The following SLC35F1 variants were observed in gnomAD, a reference collection of about 807,000 sequenced individuals.
SLC35F1 encodes solute carrier family 35 member F1, also known as chromosome 6 open reading frame 169.
In SLC35F1, 14 loss-of-function variants were observed where a neutral mutation model predicts 48.7. The ratio of observed to expected loss-of-function variants is 0.29; its 90% confidence interval spans 0.19 to 0.45. The LOEUF is 0.45. Among genes scored for constraint, SLC35F1 ranks in the 20% least tolerant of loss-of-function variants. SLC35F1 has a pLI of 1.00. For synonymous variants in SLC35F1, 190 were observed against 202.2 expected, an observed-to-expected ratio of 0.94 and a Z score of 0.51; for missense variants, 404 against 500.0, an observed-to-expected ratio of 0.81 and a Z score of 1.83.
Position 118,018,281 on chromosome 6 carries a change from G to A in SLC35F1, c.173+110382G>A, listed in dbSNP as rs186899417. The stretch of plus-strand genomic sequence containing the variant: ...AGCTACTCGGGAGGTTGAGGCAGGA[G>A]AATTGCTTGAACCCGGGAGGCGGAG... On this transcript the variant is annotated intron_variant, in intron 1 of 7. Coordinates refer to ENST00000360388, the MANE Select transcript of SLC35F1 (RefSeq NM_001029858.4). Among the ~76,000 whole-genome samples the A allele has an allele frequency of 2.6e-5, 4 of 152,148 alleles. No homozygotes were observed. The East Asian group carries it at 7.7e-4, about 29-fold the overall frequency.
At chr6:118,149,506 A>G (rs1774024405) in intron 1 of SLC35F1, among the ~76,000 whole-genome samples, 1 of 152,230 alleles carries the variant, frequency 6.6e-6, no homozygotes, top group Admixed American at 6.5e-5. Flanking sequence ...GTTTATTTCT[A>G]TTTTTATTTA....
At chr6:118,101,533 A>T (rs977251835) in intron 1 of SLC35F1, among the ~76,000 whole-genome samples, 7 of 152,250 alleles carry the variant, frequency 4.6e-5, no homozygotes, top group Non-Finnish European at 8.8e-5. Context: ...GTACTTGCAA[A>T]TAATAGGGAT....
At chr6:118,083,150 A>G (rs1772937196) in intron 1 of SLC35F1, among the ~76,000 whole-genome samples, 1 of 152,178 alleles carries the variant, frequency 6.6e-6, no homozygotes, top group Non-Finnish European at 1.5e-5. Flanking sequence ...CTTCTGGATC[A>G]AGGAGAATAA....
chr6:118,078,397 A>C (rs566068101), intron 1 of SLC35F1, among the ~76,000 whole-genome samples: 15 of 152,308 alleles, frequency 9.8e-5, no homozygotes, highest in Non-Finnish European at 2.1e-4. Flanking sequence ...AAAAATCTTT[A>C]AAGGAATACA....
intron 3 of SLC35F1, among the ~76,000 whole-genome samples, chr6:118,238,827 G>A (rs1470498730): frequency 6.6e-6 from 1 of 152,186 alleles, no homozygotes; most frequent in Non-Finnish European, 1.5e-5. Flanking sequence ...ATCAATAGAA[G>A]AGGAGATTTC....
chr6:118,277,529 C>T lies in SLC35F1; in HGVS notation c.830C>T (p.Pro277Leu). The T allele has an allele frequency of 6.2e-7, 1 of 1,613,934 alleles. No individual in the cohort carries two copies. The highest frequency in any genetic ancestry group is 1.1e-5 in the South Asian group (1 of 91,078). ...GAGCATAAGGAACTGTTGAAGGTGC[C>T]CTGGGACTGGCAAATAGGTAAGGAG... is the stretch of plus-strand genomic sequence containing the variant. ...IMEHKELLKV[P>L]WDWQIGLLYV... The change falls in exon 6 of 8, where the codon CCC becomes CTC. Residue 277 changes from proline to leucine, a missense_variant. Pro to Leu is a moderately conservative substitution (Grantham distance 98). Coordinates refer to ENST00000360388, the MANE Select transcript of SLC35F1 (RefSeq NM_001029858.4).
intron 1 of SLC35F1, among the ~76,000 whole-genome samples, chr6:118,070,018 C>T (rs1430723411): frequency 6.6e-6 from 1 of 151,172 alleles, no homozygotes; most frequent in Non-Finnish European, 1.5e-5. Flanking sequence ...CGCCTGTAGT[C>T]CCAGCTACTC....
At chr6:117,929,172 A>G (rs1582568896) in intron 1 of SLC35F1, among the ~76,000 whole-genome samples, 1 of 151,660 alleles carries the variant, frequency 6.6e-6, no homozygotes, top group Non-Finnish European at 1.5e-5. Context: ...ACACATGGTT[A>G]TATTTCTTCC....
intron 2 of SLC35F1, among the ~76,000 whole-genome samples, chr6:118,187,166 G>A (rs373359393): frequency 2.6e-5 from 4 of 152,210 alleles, no homozygotes; most frequent in East Asian, 3.8e-4. Context: ...TGTAACAACA[G>A]CCTGCACTAG....
chr6:118,140,598 AT>A (rs61439935), intron 1 of SLC35F1, among the ~76,000 whole-genome samples: 127 of 149,922 alleles, frequency 8.5e-4, no homozygotes, highest in African/African-American at 2.8e-3. Context: ...TATTCCTTAT[AT>A]TTTTTTTTTT....
chr6:118,013,352 G>A (rs574363156), intron 1 of SLC35F1, among the ~76,000 whole-genome samples: 30 of 152,280 alleles, frequency 2.0e-4, no homozygotes, highest in Admixed American at 1.3e-3. Context: ...TGCAGTGTAT[G>A]AATTACAAGG....
At chr6:118,149,854 A>T (rs942348086) in intron 1 of SLC35F1, among the ~76,000 whole-genome samples, 20 of 152,216 alleles carry the variant, frequency 1.3e-4, no homozygotes, top group Admixed American at 1.3e-3. Flanking sequence ...TCTTGATGGA[A>T]GAGTTTTCAT....
intron 2 of SLC35F1, among the ~76,000 whole-genome samples, chr6:118,172,425 A>T (rs1287967742): frequency 1.3e-5 from 2 of 152,146 alleles, no homozygotes; most frequent in Non-Finnish European, 2.9e-5. Flanking sequence ...TTAACGTCTC[A>T]TCCAAAAAAA....
chr6:118,097,700 A>G (rs1045240633), intron 1 of SLC35F1, among the ~76,000 whole-genome samples: 1 of 152,208 alleles, frequency 6.6e-6, no homozygotes, highest in African/African-American at 2.4e-5. Context: ...TGCTGCCATC[A>G]CCAGCCGCAA....
chr6:118,310,619 T>C (rs1438509004), intron 7 of SLC35F1, among the ~76,000 whole-genome samples: 1 of 152,232 alleles, frequency 6.6e-6, no homozygotes, highest in East Asian at 1.9e-4. Context: ...TGGACTTGTA[T>C]TTAAAATGAA....
intron 4 of SLC35F1, among the ~76,000 whole-genome samples, chr6:118,272,611 G>A (rs1330661866): frequency 6.6e-6 from 1 of 151,310 alleles, no homozygotes; most frequent in African/African-American, 2.4e-5. Flanking sequence ...ATTTTAATAG[G>A]TAAGAAAAAA....
intron 1 of SLC35F1, among the ~76,000 whole-genome samples, chr6:118,008,672 T>C (rs947838892): frequency 6.6e-6 from 1 of 152,156 alleles, no homozygotes; most frequent in Admixed American, 6.6e-5. Context: ...TGGAATTTAC[T>C]TAGAAAAACA....
chr6:117,935,122 T>G (rs1776148599), intron 1 of SLC35F1, among the ~76,000 whole-genome samples: 2 of 152,072 alleles, frequency 1.3e-5, no homozygotes, highest in Admixed American at 1.3e-4. Flanking sequence ...AATAAATAAA[T>G]AAATAAACTA....
intron 3 of SLC35F1, among the ~76,000 whole-genome samples, chr6:118,249,148 T>C (rs1463284252): frequency 6.6e-6 from 1 of 152,180 alleles, no homozygotes; most frequent in African/African-American, 2.4e-5. Context: ...GTCTATGGTA[T>C]TTTTTTACAG....
Sources: allele counts gnomAD v4.1 joint callset (sites outside exome capture counted in the v4.1 genomes callset), GRCh38; gene constraint gnomAD v4.1.1; transcripts MANE v1.5; gene names NCBI Gene and HGNC (gene_info 2026-07-23, HGNC 2026-07-21).